TRPC4: variants seen among roughly 807,000 people sequenced by gnomAD.
TRPC4 encodes transient receptor potential cation channel subfamily C member 4.
In TRPC4, 49 loss-of-function variants were observed where a neutral mutation model predicts 99.4. That is an observed-to-expected ratio of 0.49 (90% CI 0.39 to 0.63). TRPC4 has a LOEUF of 0.63. Ranked by LOEUF, TRPC4 falls within the 20% of genes least tolerant of loss-of-function variation. The pLI is 0.00. For missense variants in TRPC4, 898 were observed against 1,152.9 expected (o/e 0.78, Z 3.20); for synonymous variants, 454 against 425.9 (o/e 1.07, Z -0.81).
At chr13:37,857,371 T>C (rs1959182837) in intron 1 of TRPC4, among the ~76,000 whole-genome samples, 1 of 151,742 alleles carries the variant, frequency 6.6e-6, no homozygotes, top group African/African-American at 2.4e-5. Flanking sequence ...TTCAATGCAA[T>C]CTCTTTCAAA....
intron 3 of TRPC4, among the ~76,000 whole-genome samples, chr13:37,734,956 G>A (rs1202152207): frequency 6.6e-6 from 1 of 152,130 alleles, no homozygotes; most frequent in South Asian, 2.1e-4. Flanking sequence ...CACTCCAAAG[G>A]AGAAAGGGAA....
intron 4 of TRPC4, among the ~76,000 whole-genome samples, chr13:37,675,699 CT>C (rs748052831): frequency 5.9e-5 from 9 of 152,160 alleles, no homozygotes; most frequent in Non-Finnish European, 1.3e-4. Context: ...ACAGGAAAAA[CT>C]TTCCTGTACA....
At chr13:37,666,861 A>T (rs1371861739) in intron 5 of TRPC4, among the ~76,000 whole-genome samples, 1 of 151,900 alleles carries the variant, frequency 6.6e-6, no homozygotes. Flanking sequence ...CATTCTACCA[A>T]TTCTCCCTGG....
intron 1 of TRPC4, among the ~76,000 whole-genome samples, chr13:37,796,429 C>G (rs1957247491): frequency 6.6e-6 from 1 of 152,082 alleles, no homozygotes. Flanking sequence ...TTCCTTATTA[C>G]CCTGTATTAC....
intron 4 of TRPC4, among the ~76,000 whole-genome samples, chr13:37,682,064 A>G (rs530308961): frequency 1.3e-5 from 2 of 152,336 alleles, no homozygotes; most frequent in South Asian, 2.1e-4. Context: ...CACATTTAAC[A>G]GCACCAATTA....
chr13:37,643,477 C>A lies in TRPC4; in HGVS notation c.2080-4178G>T, dbSNP rs189732848. 2.6e-5 allele frequency among the ~76,000 whole-genome samples: 4 copies of A among 152,212 alleles called. No homozygotes were observed. The East Asian group carries it at 7.8e-4, about 30-fold the overall frequency. On this transcript the variant is annotated intron_variant, in intron 8 of 10. Transcript: ENST00000379705. Reference sequence around the variant, plus strand: ...GTGTGAAGGAAAGAAGCCGTAACAGCCCTCTTATAGAGAATGCAGTATTAG... The same window carrying A: ...GTGTGAAGGAAAGAAGCCGTAACAGACCTCTTATAGAGAATGCAGTATTAG...
intron 1 of TRPC4, among the ~76,000 whole-genome samples, chr13:37,866,714 C>T (rs1959769387): frequency 6.6e-6 from 1 of 151,508 alleles, no homozygotes; most frequent in South Asian, 2.1e-4. Flanking sequence ...GGGTCAATGC[C>T]TCTGGAAGGG....
intron 1 of TRPC4, among the ~76,000 whole-genome samples, chr13:37,862,650 AG>A (rs1223328090): frequency 6.6e-6 from 1 of 151,674 alleles, no homozygotes; most frequent in Non-Finnish European, 1.5e-5. Context: ...GGAGAAAATA[AG>A]GTTGCCAAAT....
In TRPC4 at chr13:37,634,513, C is replaced by G. The variant is rs9566244; in HGVS notation, c.*2390G>C. Among the ~76,000 whole-genome samples the G allele has an allele frequency of 0.085, 12,930 of 152,046 alleles. 803 individuals carry two copies. The highest frequency in any genetic ancestry group is 0.34 in the East Asian group (1,755 of 5,150). Reference sequence around the variant, plus strand: ...TCCAAATACATTCCTCTATTACCATCATGTCCCCCTATAAAATGTCAGCAC... The same window carrying G: ...TCCAAATACATTCCTCTATTACCATGATGTCCCCCTATAAAATGTCAGCAC... On this transcript the variant is annotated 3_prime_UTR_variant, in exon 11 of 11. Transcript: ENST00000379705.
intron 2 of TRPC4, among the ~76,000 whole-genome samples, chr13:37,757,549 A>G (rs1348412658): frequency 6.6e-6 from 1 of 152,020 alleles, no homozygotes; most frequent in East Asian, 1.9e-4. Context: ...GATATTTGAA[A>G]TTTTTAAAAA....
At chr13:37,833,384 A>C (rs2139602338) in intron 1 of TRPC4, among the ~76,000 whole-genome samples, 1 of 152,322 alleles carries the variant, frequency 6.6e-6, no homozygotes, top group Admixed American at 6.5e-5. Flanking sequence ...CACCTGATTG[A>C]AAAGTACCAC....
chr13:37,736,765 G>A (rs1295903167), intron 3 of TRPC4, among the ~76,000 whole-genome samples: 2 of 151,938 alleles, frequency 1.3e-5, no homozygotes, highest in African/African-American at 2.4e-5. Flanking sequence ...GTCTCACTCT[G>A]TCACCCAGGC....
intron 3 of TRPC4, among the ~76,000 whole-genome samples, chr13:37,729,367 A>G (rs1201511242): frequency 1.3e-5 from 2 of 152,088 alleles, no homozygotes; most frequent in Non-Finnish European, 2.9e-5. Flanking sequence ...GGGTACCCTC[A>G]TGCAGTGTTG....
At chr13:37,650,632 C>CACACACACAG (rs1952016519) in intron 8 of TRPC4, among the ~76,000 whole-genome samples, 1 of 151,200 alleles carries the variant, frequency 6.6e-6, no homozygotes, top group South Asian at 2.1e-4. Context: ...CACACACACA[C>CACACACACAG]ACATATATAT....
intron 4 of TRPC4, among the ~76,000 whole-genome samples, chr13:37,691,192 C>G (rs537991961): frequency 8.1e-4 from 124 of 152,198 alleles, no homozygotes; most frequent in African/African-American, 2.7e-3. Context: ...AGCTCCGCCT[C>G]CCGGGTTCAC....
chr13:37,854,116 C>G (rs1367597313), intron 1 of TRPC4, among the ~76,000 whole-genome samples: 2 of 151,930 alleles, frequency 1.3e-5, no homozygotes, highest in African/African-American at 4.8e-5. Flanking sequence ...AGACAACTAC[C>G]TTGAAACATT....
intron 1 of TRPC4, among the ~76,000 whole-genome samples, chr13:37,830,845 G>A (rs1267347661): frequency 6.7e-6 from 1 of 148,582 alleles, no homozygotes; most frequent in Admixed American, 6.7e-5. Context: ...AAGTGTAGAA[G>A]GGGAGAAAAG....
At chr13:37,800,661 G>T (rs765111627) in intron 1 of TRPC4, among the ~76,000 whole-genome samples, 6 of 151,880 alleles carry the variant, frequency 4.0e-5, no homozygotes, top group Admixed American at 6.6e-5. Flanking sequence ...AGCTACTAAA[G>T]ATAAAATATA....
chr13:37,687,010 A>G (rs1034019227), intron 4 of TRPC4, among the ~76,000 whole-genome samples: 1 of 151,120 alleles, frequency 6.6e-6, no homozygotes, highest in Admixed American at 6.6e-5. Flanking sequence ...TGTCACCTAC[A>G]CTGGAGTGCA....
Sources: gnomAD v4.1 joint callset for allele counts (sites outside exome capture counted in the v4.1 genomes callset) on GRCh38, gnomAD v4.1.1 for gene constraint, MANE v1.5 for transcripts, NCBI Gene and HGNC (gene_info 2026-07-23, HGNC 2026-07-21) for gene names.